FBXO42: variants seen among roughly 807,000 people sequenced by gnomAD.
The protein encoded by FBXO42 is F-box protein 42, also known as F-box only protein 42.
Under a neutral mutation model 71.7 loss-of-function variants are expected in FBXO42, and 12 were observed. The observed-to-expected ratio is 0.17, with a 90% CI of 0.11 to 0.27. The LOEUF (loss-of-function observed/expected upper bound fraction) is 0.27, where lower values mean the gene tolerates loss of function less well. Among genes scored for constraint, FBXO42 ranks in the 10% least tolerant of loss-of-function variants. FBXO42 has a pLI of 1.00. For synonymous variants in FBXO42, 325 were observed against 327.5 expected (o/e 0.99, Z 0.08); for missense variants, 707 against 911.9 (o/e 0.78, Z 2.89).
At chr1:16,342,484 G>C (rs2082614232) in intron 1 of FBXO42, among the ~76,000 whole-genome samples, 1 of 151,272 alleles carries the variant, frequency 6.6e-6, no homozygotes, top group South Asian at 2.1e-4. Flanking sequence ...AGGGAGGCTG[G>C]GGTAGGAGGG....
intron 4 of FBXO42, among the ~76,000 whole-genome samples, chr1:16,259,214 A>G (rs752096489): frequency 1.4e-4 from 21 of 152,218 alleles, no homozygotes; most frequent in African/African-American, 5.1e-4. Context: ...CCAATTAGAA[A>G]GCCTAAGTAA....
chr1:16,257,177 G>T (rs2081655709), intron 4 of FBXO42, among the ~76,000 whole-genome samples: 1 of 152,150 alleles, frequency 6.6e-6, no homozygotes, highest in Admixed American at 6.5e-5. Flanking sequence ...ACAAAGAAAA[G>T]AAAGAATGTA....
chr1:16,335,063 C>CAA (rs55983316), intron 1 of FBXO42, among the ~76,000 whole-genome samples: 817 of 69,026 alleles, frequency 0.012, 112 homozygotes, highest in African/African-American at 0.03. Flanking sequence ...CTCGTCTGTA[C>CAA]AAAAAAAAAA....
chr1:16,350,103 A>G (rs1353047249), intron 1 of FBXO42, among the ~76,000 whole-genome samples: 3 of 152,172 alleles, frequency 2.0e-5, no homozygotes, highest in Admixed American at 6.6e-5. Context: ...GAAATCAGAC[A>G]AGAAGAAGCA....
intron 4 of FBXO42, among the ~76,000 whole-genome samples, chr1:16,282,506 G>A (rs1483120974): frequency 2.0e-5 from 3 of 148,076 alleles, no homozygotes; most frequent in Non-Finnish European, 4.5e-5. Context: ...GATTACAGGT[G>A]TGAGCCACTG....
At chr1:16,328,142 A>G (rs1054192108) in intron 1 of FBXO42, among the ~76,000 whole-genome samples, 6 of 152,162 alleles carry the variant, frequency 3.9e-5, no homozygotes, top group African/African-American at 1.4e-4. Flanking sequence ...CAAAACCCAC[A>G]GCATCAAAGA....
rs2100432576 is a variant in FBXO42, at chr1:16,255,725, T to C, written c.753A>G (p.Leu251=). The part of the protein sequence containing the change: ...DDKMIVFGGS[L]GSRQMSNDVW... ...AATGTACTTACATTTGCCGGGATCC[T>C]AAAGAGCCACCAAAGACAATCATTT... is the stretch of plus-strand genomic sequence containing the variant. The change falls in exon 6 of 10, where the codon TTA becomes TTG. Residue 251 remains leucine (L), a synonymous_variant. Coordinates refer to ENST00000375592, the MANE Select transcript of FBXO42 (RefSeq NM_018994.3). The C allele has an allele frequency of 1.2e-6, 2 of 1,613,894 alleles. No individual in the cohort carries two copies. The highest frequency in any genetic ancestry group is 2.2e-5 in the East Asian group (1 of 44,878).
chr1:16,290,459 AGGTG>A (rs1265224978), intron 4 of FBXO42, among the ~76,000 whole-genome samples: 6 of 152,174 alleles, frequency 3.9e-5, no homozygotes, highest in African/African-American at 1.2e-4. Flanking sequence ...TGGGAGGCTG[AGGTG>A]GGTGGATCAC....
chr1:16,335,891 T>C (rs1301378277), intron 1 of FBXO42, among the ~76,000 whole-genome samples: 1 of 151,910 alleles, frequency 6.6e-6, no homozygotes, highest in Non-Finnish European at 1.5e-5. Context: ...AAAAACCTTT[T>C]GACTGTTTTA....
At chr1:16,272,503 C>A (rs2081857844) in intron 4 of FBXO42, among the ~76,000 whole-genome samples, 1 of 152,136 alleles carries the variant, frequency 6.6e-6, no homozygotes, top group Non-Finnish European at 1.5e-5. Flanking sequence ...AAGTGATCCA[C>A]CCGCCTTGGC....
Position 16,251,372 on chromosome 1 carries a change from G to C in FBXO42, c.1452C>G (p.Pro484=). The C allele has an allele frequency of 6.2e-7, 1 of 1,614,116 alleles. No individual in the cohort carries two copies. ...TCTGATCTGGTAGTGATCCTCGTCG[G>C]GGGGCCAAAGAAAGTCCTATTTTCA... The part of the protein sequence containing the change: ...YDLKIGLSLA[P]RRGSLPDQKD... The change falls in exon 10 of 10, where the codon CCC becomes CCG. Residue 484 remains proline, a synonymous_variant. Coordinates refer to ENST00000375592, the MANE Select transcript of FBXO42 (RefSeq NM_018994.3). This position sits in a 1 kb window ranked among gnomAD's most constrained non-coding sequence, Gnocchi z 4.5.
At chr1:16,332,545 C>CTTT (rs796485216) in intron 1 of FBXO42, among the ~76,000 whole-genome samples, 4 of 141,668 alleles carry the variant, frequency 2.8e-5, no homozygotes, top group Admixed American at 7.2e-5. Context: ...ATTTCTTTTC[C>CTTT]TTTTTTTTTT....
intron 2 of FBXO42, among the ~76,000 whole-genome samples, chr1:16,311,432 G>C (rs532031543): frequency 9.4e-4 from 138 of 146,316 alleles, no homozygotes; most frequent in Middle Eastern, 3.7e-3. Context: ...AGGCCGCAAT[G>C]AGCTATGACC....
chr1:16,346,168 C>A (rs566646066), intron 1 of FBXO42, among the ~76,000 whole-genome samples: 2 of 152,264 alleles, frequency 1.3e-5, no homozygotes, highest in African/African-American at 4.8e-5. Context: ...TTCACCAATT[C>A]TTTACGAAGA....
chr1:16,264,957 T>C lies in FBXO42; in HGVS notation c.503-8198A>G, dbSNP rs558817724. 5.3e-5 allele frequency among the ~76,000 whole-genome samples: 8 copies of C among 152,350 alleles called. No individual in the cohort carries two copies. The South Asian group carries it at 8.3e-4, about 16-fold the overall frequency. ...GTTCCAAATCCTAGTTTGATTTCTATGCCACTTTCCCACAATTGTAGTGTC... is the reference window on the plus strand; with the variant it reads ...GTTCCAAATCCTAGTTTGATTTCTACGCCACTTTCCCACAATTGTAGTGTC... On this transcript the variant is annotated intron_variant, in intron 4 of 9. Transcript: ENST00000375592.
chr1:16,304,923 T>C (rs145250159), intron 3 of FBXO42, among the ~76,000 whole-genome samples: 1 of 151,552 alleles, frequency 6.6e-6, no homozygotes, highest in Non-Finnish European at 1.5e-5. Context: ...GAGCCAAGAT[T>C]GCACCACTGC....
At chr1:16,308,467 C>T (rs547504391) in intron 2 of FBXO42, among the ~76,000 whole-genome samples, 2 of 150,794 alleles carry the variant, frequency 1.3e-5, no homozygotes, top group African/African-American at 4.9e-5. Context: ...GAATTTCAGC[C>T]TGGGAAACAC....
chr1:16,269,216 TA>T (rs2081811994), intron 4 of FBXO42, among the ~76,000 whole-genome samples: 3 of 150,352 alleles, frequency 2.0e-5, no homozygotes, highest in African/African-American at 7.3e-5. Context: ...GCCTCCTAAG[TA>T]GCTGGGACTA....
chr1:16,271,260 T>TGTGTGTTG (rs2081841739), intron 4 of FBXO42, among the ~76,000 whole-genome samples: 3 of 33,922 alleles, frequency 8.8e-5, no homozygotes, highest in African/African-American at 4.2e-4. Flanking sequence ...TGTGTGTTGG[T>TGTGTGTTG]GTGTGTGTGT....
Sources: gnomAD v4.1 joint callset for allele counts (sites outside exome capture counted in the v4.1 genomes callset) on GRCh38, gnomAD v4.1.1 for gene constraint, Gnocchi (gnomAD v3.1) non-coding constraint, MANE v1.5 for transcripts, NCBI Gene and HGNC (gene_info 2026-07-23, HGNC 2026-07-21) for gene names.